Variants in PLEKHA7 observed in about 807,000 individuals in gnomAD.
The protein encoded by PLEKHA7 is pleckstrin homology domain-containing family A member 7.
A neutral mutation model predicts 170.0 loss-of-function variants in PLEKHA7; 104 were observed. That is an observed-to-expected ratio of 0.61 (90% CI 0.52 to 0.72). The LOEUF (loss-of-function observed/expected upper bound fraction) is 0.72, where lower values mean the gene tolerates loss of function less well. Ranked by LOEUF, PLEKHA7 falls within the 30% of genes least tolerant of loss-of-function variation. PLEKHA7 has a pLI of 0.00. For synonymous variants in PLEKHA7, 648 were observed against 660.8 expected (o/e 0.98, Z 0.30); for missense variants, 1,615 against 1,671.7 (o/e 0.97, Z 0.59).
chr11:16,813,237 T>C, intron 12 of PLEKHA7, 71 bp from the exon 13 acceptor site: 1 of 1,350,666 alleles, frequency 7.4e-7, no homozygotes, highest in Non-Finnish European at 1.1e-6. Context: ...AGGTTTCACA[T>C]GTGAATTATT....
chr11:16,871,816 T>C (rs1385856843), intron 3 of PLEKHA7, among the ~76,000 whole-genome samples: 1 of 152,202 alleles, frequency 6.6e-6, no homozygotes, highest in Non-Finnish European at 1.5e-5. Flanking sequence ...GTAGGTGTTT[T>C]GTGCATCAAC....
At chr11:16,787,098 G>A (rs1024734831) in intron 23 of PLEKHA7, 1 of 985,294 alleles carries the variant, frequency 1.0e-6, no homozygotes, top group African/African-American at 1.7e-5. Flanking sequence ...TTCCCAAGAG[G>A]GAAAATCTAA....
At chr11:16,872,003 C>T (rs1422139550) in intron 3 of PLEKHA7, among the ~76,000 whole-genome samples, 5 of 136,098 alleles carry the variant, frequency 3.7e-5, no homozygotes, top group African/African-American at 1.1e-4. Flanking sequence ...AAGACAGTCT[C>T]TGTTACCCAG....
At chr11:17,002,660 C>A (rs752601367) in intron 3 of PLEKHA7, among the ~76,000 whole-genome samples, 2 of 152,122 alleles carry the variant, frequency 1.3e-5, no homozygotes, top group African/African-American at 2.4e-5. Flanking sequence ...CTAGAAAGCA[C>A]CACGAAGATT....
At chr11:16,997,483 A>C (rs1864410421) in intron 3 of PLEKHA7, among the ~76,000 whole-genome samples, 1 of 152,114 alleles carries the variant, frequency 6.6e-6, no homozygotes, top group Non-Finnish European at 1.5e-5. Flanking sequence ...AAAGACCGGC[A>C]ATCTGTCTCC....
In PLEKHA7 at chr11:16,851,275, C is replaced by T. The variant is rs61757730; in HGVS notation, c.612G>A (p.Ala204=). The T allele has an allele frequency of 1.8e-4, 287 of 1,610,472 alleles. 2 individuals are homozygous for T. In the African/African-American group the frequency reaches 2.8e-3, roughly 16 times the overall value. Residue 204 remains alanine (A), a synonymous_variant, in exon 8 of 27, where the codon GCG becomes GCA. Coordinates refer to ENST00000531066, the MANE Select transcript of PLEKHA7 (RefSeq NM_001329630.2). ...LFYYKDSREE[A]VLGSIPLPSY... is the part of the protein sequence containing the mutation. ...TGGGCAAGGGGATGCTCCCGAGGACCGCTTCTTCTCGGCTGTCTTTGAATG... is the reference window on the plus strand; with the variant it reads ...TGGGCAAGGGGATGCTCCCGAGGACTGCTTCTTCTCGGCTGTCTTTGAATG...
In PLEKHA7 at chr11:16,914,417, C is replaced by T. The variant is rs112908459; in HGVS notation, c.222-43235G>A. 5.0e-3 allele frequency among the ~76,000 whole-genome samples: 763 copies of T among 152,332 alleles called. 12 individuals carry two copies. The highest frequency in any genetic ancestry group is 0.017 in the African/African-American group (700 of 41,580). On this transcript the variant is annotated intron_variant, in intron 3 of 26. Transcript: ENST00000531066. Reference sequence around the variant, plus strand: ...AGAAAGCAAACCGGTGACACTCAATCTCGTACTTGGCAAGACAAACATTCT... The same window carrying T: ...AGAAAGCAAACCGGTGACACTCAATTTCGTACTTGGCAAGACAAACATTCT...
intron 3 of PLEKHA7, among the ~76,000 whole-genome samples, chr11:16,992,378 G>A (rs1352085745): frequency 6.6e-6 from 1 of 152,202 alleles, no homozygotes; most frequent in Non-Finnish European, 1.5e-5. Context: ...TCCTGTCTGT[G>A]GTCTCTGGGT....
At chr11:16,873,637 G>A (rs914293554) in intron 3 of PLEKHA7, among the ~76,000 whole-genome samples, 4 of 152,180 alleles carry the variant, frequency 2.6e-5, no homozygotes, top group Middle Eastern at 3.2e-3. Context: ...CTTGCACCAC[G>A]TTCAAGGGTT....
chr11:16,999,579 A>G (rs1018648047), intron 3 of PLEKHA7, among the ~76,000 whole-genome samples: 6 of 152,092 alleles, frequency 3.9e-5, no homozygotes, highest in Admixed American at 1.3e-4. Flanking sequence ...AACGGGGTGT[A>G]CATTCAGACA....
intron 19 of PLEKHA7, among the ~76,000 whole-genome samples, chr11:16,793,170 G>A (rs892109490): frequency 1.3e-5 from 2 of 152,218 alleles, no homozygotes; most frequent in Admixed American, 6.5e-5. Context: ...CACAGTGAGA[G>A]AATCAGTCCC....
chr11:16,895,166 G>A (rs1856921516), intron 3 of PLEKHA7, among the ~76,000 whole-genome samples: 2 of 152,082 alleles, frequency 1.3e-5, no homozygotes, highest in Non-Finnish European at 2.9e-5. Flanking sequence ...ACAGGGTAAG[G>A]GTTTAATATA....
chr11:16,918,680 G>A (rs1435286576), intron 3 of PLEKHA7, among the ~76,000 whole-genome samples: 1 of 152,170 alleles, frequency 6.6e-6, no homozygotes, highest in South Asian at 2.1e-4. Flanking sequence ...GTAAACTGGT[G>A]TAAATGCACT....
intron 3 of PLEKHA7, among the ~76,000 whole-genome samples, chr11:17,006,104 C>T (rs969444198): frequency 3.9e-5 from 6 of 152,114 alleles, no homozygotes; most frequent in African/African-American, 1.4e-4. Context: ...GGCATGGTGG[C>T]TCATGCCTGT....
intron 3 of PLEKHA7, among the ~76,000 whole-genome samples, chr11:16,919,379 G>C (rs1858922916): frequency 6.6e-6 from 1 of 152,110 alleles, no homozygotes; most frequent in Non-Finnish European, 1.5e-5. Flanking sequence ...GTTTTCTCCA[G>C]TAAGAAAATA....
intron 3 of PLEKHA7, among the ~76,000 whole-genome samples, chr11:16,898,375 C>T (rs1251094315): frequency 6.6e-6 from 1 of 152,202 alleles, no homozygotes; most frequent in Admixed American, 6.5e-5. Context: ...TAAACTGAGA[C>T]AGCCCAAGAT....
intron 3 of PLEKHA7, among the ~76,000 whole-genome samples, chr11:16,871,908 CCT>C (rs967446861): frequency 1.3e-5 from 2 of 151,940 alleles, no homozygotes; most frequent in African/African-American, 4.8e-5. Flanking sequence ...CTAAACTAAC[CCT>C]CCTCTTTTAA....
rs1455248635 is a variant in PLEKHA7 at position 16,988,132 on chromosome 11, T to A, written c.221+25857A>T. On this transcript the variant is annotated intron_variant, in intron 3 of 26. Transcript: ENST00000531066. Reference sequence around the variant, plus strand: ...GATCCCCTTTCACAGAGAAGGCAAATGTCTTGCCCCAGGTCAGGCAGCTGT... The same window carrying A: ...GATCCCCTTTCACAGAGAAGGCAAAAGTCTTGCCCCAGGTCAGGCAGCTGT... 2.6e-5 allele frequency among the ~76,000 whole-genome samples: 4 copies of A among 152,214 alleles called. No individual in the cohort carries two copies. In the East Asian group the frequency reaches 7.7e-4, roughly 29 times the overall value.
chr11:16,890,296 T>C (rs1043969064), intron 3 of PLEKHA7, among the ~76,000 whole-genome samples: 8 of 152,296 alleles, frequency 5.3e-5, no homozygotes, highest in African/African-American at 1.4e-4. Flanking sequence ...AAACCTCACA[T>C]AGCAATACTA....
Sources: allele counts gnomAD v4.1 joint callset (sites outside exome capture counted in the v4.1 genomes callset), GRCh38; gene constraint gnomAD v4.1.1; transcripts MANE v1.5; gene names NCBI Gene and HGNC (gene_info 2026-07-23, HGNC 2026-07-21).